The following CALD1 variants were observed in gnomAD, a reference collection of about 807,000 sequenced individuals.
CALD1 encodes caldesmon.
A neutral mutation model predicts 99.9 loss-of-function variants in CALD1; 33 were observed. The observed-to-expected ratio is 0.33, with a 90% confidence interval of 0.25 to 0.44. CALD1 has a LOEUF of 0.44. Ranked by LOEUF, CALD1 falls within the 20% of genes least tolerant of loss-of-function variation. The probability of loss-of-function intolerance (pLI) is 1.00; values close to 1 mark genes in which losing one functional copy is unlikely to be tolerated. For missense variants in CALD1, 861 were observed against 962.1 expected, an observed-to-expected ratio of 0.89 and a Z score of 1.39; for synonymous variants, 310 against 325.0, an observed-to-expected ratio of 0.95 and a Z score of 0.50.
intron 3 of CALD1, among the ~76,000 whole-genome samples, chr7:134,914,698 A>G (rs1260252379): frequency 2.6e-5 from 4 of 152,170 alleles, no homozygotes; most frequent in African/African-American, 4.8e-5. Flanking sequence ...CAACCTTGCT[A>G]TTTGAGCTTT....
chr7:134,920,183 G>A (rs1183087099), intron 3 of CALD1, among the ~76,000 whole-genome samples: 1 of 152,204 alleles, frequency 6.6e-6, no homozygotes, highest in African/African-American at 2.4e-5. Flanking sequence ...AGTATGGTCT[G>A]AGATTTTGCT....
intron 1 of CALD1, among the ~76,000 whole-genome samples, chr7:134,825,404 T>C (rs1798948741): frequency 6.6e-6 from 1 of 152,180 alleles, no homozygotes; most frequent in African/African-American, 2.4e-5. Flanking sequence ...ATTTCCTCTT[T>C]CCAAGCATTT....
At chr7:134,803,921 C>A (rs143029738) in intron 1 of CALD1, among the ~76,000 whole-genome samples, 32 of 152,270 alleles carry the variant, frequency 2.1e-4, no homozygotes, top group Admixed American at 3.3e-4. Flanking sequence ...GTCTCAAACT[C>A]CTGACCTCAG....
intron 1 of CALD1, among the ~76,000 whole-genome samples, chr7:134,798,267 C>T (rs745478572): frequency 1.3e-5 from 2 of 152,148 alleles, no homozygotes; most frequent in Non-Finnish European, 2.9e-5. Flanking sequence ...GAGGACTTTC[C>T]ACCTGTAATA....
chr7:134,965,893 G>A (rs1229942190), intron 14 of CALD1, among the ~76,000 whole-genome samples: 1 of 151,280 alleles, frequency 6.6e-6, no homozygotes, highest in Non-Finnish European at 1.5e-5. Context: ...CTGTGAAAAT[G>A]AATGATTAAG....
chr7:134,790,777 T>C (rs1797497142), intron 1 of CALD1, among the ~76,000 whole-genome samples: 3 of 152,222 alleles, frequency 2.0e-5, no homozygotes, highest in Admixed American at 2.0e-4. Flanking sequence ...GCAGTTTCCA[T>C]CCTTCTCCCT....
intron 3 of CALD1, among the ~76,000 whole-genome samples, chr7:134,907,762 CT>C (rs1334918299): frequency 1.3e-5 from 2 of 152,162 alleles, no homozygotes; most frequent in Non-Finnish European, 2.9e-5. Flanking sequence ...CCCCCCCCGC[CT>C]TTTCATTTTT....
intron 3 of CALD1, among the ~76,000 whole-genome samples, chr7:134,886,924 T>C (rs974936365): frequency 2.6e-5 from 4 of 152,230 alleles, no homozygotes; most frequent in African/African-American, 9.6e-5. Flanking sequence ...CAGCACTTAG[T>C]GCAATGACTT....
intron 1 of CALD1, among the ~76,000 whole-genome samples, chr7:134,772,623 A>C (rs761564989): frequency 1.3e-5 from 2 of 152,184 alleles, no homozygotes; most frequent in Non-Finnish European, 2.9e-5. Flanking sequence ...TTACATTCTT[A>C]CGATTGTGGT....
intron 1 of CALD1, among the ~76,000 whole-genome samples, chr7:134,827,468 C>A (rs1299907746): frequency 6.6e-6 from 1 of 152,230 alleles, no homozygotes; most frequent in Non-Finnish European, 1.5e-5. Flanking sequence ...TTCCCTCTCA[C>A]AACAACCATG....
intron 3 of CALD1, among the ~76,000 whole-genome samples, chr7:134,886,107 C>T (rs759842777): frequency 6.6e-6 from 1 of 152,128 alleles, no homozygotes; most frequent in Non-Finnish European, 1.5e-5. Context: ...GTAATTGGTG[C>T]AAGACAGTTT....
chr7:134,959,309 C>T (rs1002601338), intron 11 of CALD1, among the ~76,000 whole-genome samples: 9 of 151,814 alleles, frequency 5.9e-5, no homozygotes, highest in Admixed American at 2.0e-4. Context: ...GCCTCCCAAC[C>T]GTCTTGTTTT....
At chr7:134,926,598 C>T (rs1008639365) in intron 3 of CALD1, among the ~76,000 whole-genome samples, 3 of 152,256 alleles carry the variant, frequency 2.0e-5, no homozygotes, top group Middle Eastern at 3.4e-3. Flanking sequence ...ACATTCATAG[C>T]ATTCTTATTA....
chr7:134,796,117 T>G (rs1160050670), intron 1 of CALD1, among the ~76,000 whole-genome samples: 5 of 152,232 alleles, frequency 3.3e-5, no homozygotes, highest in Non-Finnish European at 7.3e-5. Flanking sequence ...CATGAGGTTT[T>G]AAGTTTTTAA....
chr7:134,956,259 G>A (rs1453823511), intron 9 of CALD1, among the ~76,000 whole-genome samples: 1 of 152,012 alleles, frequency 6.6e-6, no homozygotes, highest in Non-Finnish European at 1.5e-5. Flanking sequence ...AAAACTCTGT[G>A]GTATTTATTA....
chr7:134,756,888 T>C (rs1226559466), intron 1 of CALD1, among the ~76,000 whole-genome samples: 1 of 152,136 alleles, frequency 6.6e-6, no homozygotes, highest in Non-Finnish European at 1.5e-5. Flanking sequence ...GTTTGACAAA[T>C]AGTAGTCAGT....
chr7:134,880,715 G>A (rs1801559690), intron 3 of CALD1, among the ~76,000 whole-genome samples: 1 of 151,958 alleles, frequency 6.6e-6, no homozygotes, highest in South Asian at 2.1e-4. Flanking sequence ...TTATTAAGGG[G>A]CCTCGCGCAA....
rs767931835 is a variant in CALD1 at position 134,965,382 on chromosome 7, C to G, written c.2372C>G (p.Thr791Ser). The G allele has an allele frequency of 4.1e-6, 6 of 1,449,194 alleles. No individual in the cohort carries two copies. Among genetic ancestry groups the G allele is most frequent in the Non-Finnish European group, 5.8e-6 (6 of 1,029,588 alleles). 89.8% of individuals were successfully genotyped at this position (1,449,194 alleles called of 1,614,324 possible). A position where few individuals can be genotyped will look rare whatever the true frequency, so the allele number is the denominator to read the frequency against. ...KQSVDKVTSP[T>S]KV ...TCTGTGGATAAGGTCACTTCCCCCA[C>G]TAAGGTAATCTATTGGGAAGACTAG... Residue 791 changes from threonine (T) to serine (S), a missense_variant, in exon 14 of 15, where the codon ACT (threonine) becomes AGT (serine). Thr to Ser is a moderately conservative substitution (Grantham distance 58). Coordinates refer to ENST00000361675, the MANE Select transcript of CALD1 (RefSeq NM_033138.4).
chr7:134,716,205 A>G, the CALD1 span, among the ~76,000 whole-genome samples: 19 of 152,348 alleles, frequency 1.2e-4, no homozygotes, highest in Non-Finnish European at 2.4e-4. Context: ...GCATGACTCT[A>G]AGTAGATGTA....
Sources: allele counts gnomAD v4.1 joint callset (sites outside exome capture counted in the v4.1 genomes callset), GRCh38; gene constraint gnomAD v4.1.1; transcripts MANE v1.5; gene names NCBI Gene and HGNC (gene_info 2026-07-23, HGNC 2026-07-21).